The following RPS6KC1 variants were observed in gnomAD, a reference collection of about 807,000 sequenced individuals.
RPS6KC1 encodes ribosomal protein S6 kinase C1.
Under a neutral mutation model 103.8 loss-of-function variants are expected in RPS6KC1, and 54 were observed. That is an observed-to-expected ratio of 0.52 (90% confidence interval 0.42 to 0.65). The LOEUF (loss-of-function observed/expected upper bound fraction) is 0.65. Among genes scored for constraint, RPS6KC1 ranks in the 30% least tolerant of loss-of-function variants. RPS6KC1 has a pLI of 0.00. For synonymous variants in RPS6KC1, 439 were observed against 438.7 expected, an observed-to-expected ratio of 1.00 and a Z score of -0.01; for missense variants, 1,151 against 1,253.8, an observed-to-expected ratio of 0.92 and a Z score of 1.24.
the RPS6KC1 span, among the ~76,000 whole-genome samples, chr1:213,550,155 C>T: frequency 1.3e-5 from 2 of 152,172 alleles, no homozygotes; most frequent in Non-Finnish European, 2.9e-5. Context: ...TAGTGTTGTT[C>T]AGTTTACGGT....
the RPS6KC1 span, among the ~76,000 whole-genome samples, chr1:213,733,745 T>G: frequency 6.6e-6 from 1 of 152,216 alleles, no homozygotes; most frequent in African/African-American, 2.4e-5. Context: ...TTGAAGCCAT[T>G]CTGCATAACT....
the RPS6KC1 span, among the ~76,000 whole-genome samples, chr1:213,297,080 C>G: frequency 6.6e-6 from 1 of 152,196 alleles, no homozygotes; most frequent in Non-Finnish European, 1.5e-5. Context: ...GGGAGAAATG[C>G]AGTCATATCT....
chr1:213,242,207 G>A lies in RPS6KC1; in HGVS notation c.2731G>A (p.Ala911Thr). 6.2e-7 allele frequency: 1 copy of A among 1,613,960 alleles called. No individual in the cohort carries two copies. The highest frequency in any genetic ancestry group is 8.5e-7 in the Non-Finnish European group (1 of 1,179,900). ...IPEGCIQRWA[A>T]EMVVALDALH... Reference sequence around the variant, plus strand: ...AGAGGGCTGCATTCAAAGATGGGCAGCTGAAATGGTGGTAGCCCTTGATGC... The same window carrying A: ...AGAGGGCTGCATTCAAAGATGGGCAACTGAAATGGTGGTAGCCCTTGATGC... Residue 911 changes from alanine to threonine, a missense_variant, in exon 11 of 15, where the codon GCT becomes ACT. Ala to Thr is a moderately conservative substitution (Grantham distance 58, BLOSUM62 0). Coordinates refer to ENST00000366960, the MANE Select transcript of RPS6KC1 (RefSeq NM_012424.6).
chr1:213,532,201 C>G, the RPS6KC1 span, among the ~76,000 whole-genome samples: 3 of 152,300 alleles, frequency 2.0e-5, no homozygotes, highest in African/African-American at 4.8e-5. Flanking sequence ...ACCAAGCCAT[C>G]CCAGCAGATG....
chr1:213,659,112 C>T, the RPS6KC1 span, among the ~76,000 whole-genome samples: 1 of 152,044 alleles, frequency 6.6e-6, no homozygotes, highest in South Asian at 2.1e-4. Context: ...TTACAGGTGC[C>T]TGCCATGACA....
At chr1:213,064,974 C>CTTTT (rs34664044) in intron 1 of RPS6KC1, among the ~76,000 whole-genome samples, 2 of 89,694 alleles carry the variant, frequency 2.2e-5, no homozygotes, top group Non-Finnish European at 4.4e-5. Flanking sequence ...CGTGCCCGGC[C>CTTTT]TTTTTTTTTT....
intron 8 of RPS6KC1, among the ~76,000 whole-genome samples, chr1:213,185,986 CAA>C (rs549763471): frequency 2.8e-5 from 4 of 140,354 alleles, no homozygotes; most frequent in Admixed American, 1.4e-4. Flanking sequence ...GAAACAAAGG[CAA>C]AAAAAAAAAC....
At chr1:213,646,871 A>ATG in the RPS6KC1 span, among the ~76,000 whole-genome samples, 33 of 125,550 alleles carry the variant, frequency 2.6e-4, no homozygotes, top group African/African-American at 1.0e-3. Context: ...TTATATATAT[A>ATG]TGTGTGTATG....
chr1:213,680,809 G>A, the RPS6KC1 span, among the ~76,000 whole-genome samples: 1 of 152,064 alleles, frequency 6.6e-6, no homozygotes, highest in Non-Finnish European at 1.5e-5. Context: ...ATCTGCATGG[G>A]AAAAAACCAG....
chr1:213,330,652 C>T, the RPS6KC1 span, among the ~76,000 whole-genome samples: 1 of 152,190 alleles, frequency 6.6e-6, no homozygotes, highest in Non-Finnish European at 1.5e-5. Context: ...TAGAAAACCA[C>T]CCTGCGCCCC....
the RPS6KC1 span, among the ~76,000 whole-genome samples, chr1:213,381,221 T>A: frequency 6.6e-6 from 1 of 152,086 alleles, no homozygotes; most frequent in Non-Finnish European, 1.5e-5. Flanking sequence ...TTTAAAATTG[T>A]GTGTGGAGGA....
At position 213,114,764 on chromosome 1, in the gene RPS6KC1, G is replaced by C. The variant is rs183525834; in HGVS notation, c.379-2553G>C. ...CTAATTGAGAGTTTTTAGCACGAAGGGTTGTTGAATTTTGTCAAAGGCCTT... is the reference window on the plus strand; with the variant it reads ...CTAATTGAGAGTTTTTAGCACGAAGCGTTGTTGAATTTTGTCAAAGGCCTT... On this transcript the variant is annotated intron_variant, in intron 4 of 14. Coordinates refer to ENST00000366960, the MANE Select transcript of RPS6KC1 (RefSeq NM_012424.6). Among the ~76,000 whole-genome samples, 519 of 152,204 alleles carry C rather than the reference G, an allele frequency of 3.4e-3. 2 individuals carry two copies. Among genetic ancestry groups the C allele is most frequent in the Non-Finnish European group, 5.2e-3 (351 of 68,012 alleles).
At chr1:213,713,124 A>T in the RPS6KC1 span, among the ~76,000 whole-genome samples, 1 of 151,990 alleles carries the variant, frequency 6.6e-6, no homozygotes, top group South Asian at 2.1e-4. Flanking sequence ...TGCTCCTTCC[A>T]ATTTTATTTT....
At chr1:213,328,375 T>C in the RPS6KC1 span, among the ~76,000 whole-genome samples, 1 of 151,936 alleles carries the variant, frequency 6.6e-6, no homozygotes, top group Admixed American at 6.6e-5. Context: ...TTGCCCAATT[T>C]ACCTTTCTAA....
intron 1 of RPS6KC1, among the ~76,000 whole-genome samples, chr1:213,064,824 C>CGT (rs1445643970): frequency 1.4e-5 from 2 of 142,900 alleles, no homozygotes; most frequent in African/African-American, 2.6e-5. Context: ...ACTACAGGCA[C>CGT]CTGCCACCAC....
At chr1:213,140,857 T>TC (rs1185322899) in intron 6 of RPS6KC1, among the ~76,000 whole-genome samples, 1 of 151,564 alleles carries the variant, frequency 6.6e-6, no homozygotes, top group Non-Finnish European at 1.5e-5. Flanking sequence ...ATTTTTTTTT[T>TC]TTTTTTGAAT....
At chr1:213,321,315 A>G in the RPS6KC1 span, among the ~76,000 whole-genome samples, 4 of 152,220 alleles carry the variant, frequency 2.6e-5, no homozygotes, top group East Asian at 7.7e-4. Flanking sequence ...CCCACCGTAT[A>G]TTTTGAATTT....
At chr1:213,542,912 G>T in the RPS6KC1 span, among the ~76,000 whole-genome samples, 4 of 152,154 alleles carry the variant, frequency 2.6e-5, no homozygotes, top group Non-Finnish European at 4.4e-5. Context: ...TGAGGAGAGG[G>T]CCACGCAAAC....
chr1:213,211,180 G>A (rs1414493219), intron 8 of RPS6KC1, among the ~76,000 whole-genome samples: 1 of 152,188 alleles, frequency 6.6e-6, no homozygotes, highest in East Asian at 1.9e-4. Flanking sequence ...ACAGTGTCAA[G>A]TTATCATCCC....
Sources: gnomAD v4.1 joint callset for allele counts (sites outside exome capture counted in the v4.1 genomes callset) on GRCh38, gnomAD v4.1.1 for gene constraint, MANE v1.5 for transcripts, NCBI Gene and HGNC (gene_info 2026-07-23, HGNC 2026-07-21) for gene names.